Variants in CD300LG observed in about 807,000 individuals in gnomAD.
CD300LG encodes the protein CMRF35-like molecule 9.
CD300LG carries 29 observed loss-of-function variants against 31.5 expected under a neutral mutation model. That is an observed-to-expected ratio of 0.92 (90% CI 0.68 to 1.25). The LOEUF (loss-of-function observed/expected upper bound fraction) is 1.25. Ranked by LOEUF, CD300LG falls within the 50% of genes most tolerant of loss-of-function variation. CD300LG has a pLI of 0.00. For missense variants in CD300LG, 396 were observed against 417.6 expected (o/e 0.95, Z 0.45); for synonymous variants, 175 against 177.2 (o/e 0.99, Z 0.10).
At chr17:43,853,657 C>G in intron 3 of CD300LG, 150 bp from the exon 4 acceptor site, 2 of 637,088 alleles carry the variant, frequency 3.1e-6, no homozygotes, top group South Asian at 1.9e-5. Flanking sequence ...TCATCTAGAT[C>G]TGTTTGCTTA....
intron 2 of CD300LG, 42 bp downstream of exon 2, chr17:43,848,935 G>A: frequency 6.4e-7 from 1 of 1,555,250 alleles, no homozygotes; most frequent in Non-Finnish European, 8.8e-7. Context: ...GACAGGAGCT[G>A]CAGAGGGAAG....
At position 43,855,320 on chromosome 17, in the gene CD300LG, G is replaced by T. The variant is rs1303974241; in HGVS notation, c.832+1G>T. On this transcript the variant is annotated splice_donor_variant, in intron 5 of 6. Transcript: ENST00000317310. LOFTEE classifies it high-confidence loss of function. ...CACCTGCTCCTGTGGAGAAAGGAAG[G>T]TGAGCAAAGGTGGGCGGCAGGAAGG... 1.9e-6 allele frequency: 3 copies of T among 1,546,896 alleles called. No individual in the cohort carries two copies. Among genetic ancestry groups the T allele is most frequent in the African/African-American group, 1.4e-5 (1 of 73,378 alleles).
chr17:43,849,365 T>G, intron 2 of CD300LG: 1 of 186,444 alleles, frequency 5.4e-6, no homozygotes. Context: ...CCCTCAACTC[T>G]CCCCTCCTGG....
At position 43,852,976 on chromosome 17, in the gene CD300LG, C is replaced by T; in HGVS notation, c.444C>T (p.Pro148=). The T allele has an allele frequency of 6.2e-7, 1 of 1,612,390 alleles. No individual in the cohort carries two copies. Among genetic ancestry groups the T allele is most frequent in the Non-Finnish European group, 8.5e-7 (1 of 1,179,254 alleles). ...FQPLATTRLQ[P]KAKAQQTQPP... is the part of the protein sequence containing the mutation. ...CTCTGGCTACAACACGCCTGCAGCCCAAGGCAAAAGCTCAGCAAACCCAGC... is the reference window on the plus strand; with the variant it reads ...CTCTGGCTACAACACGCCTGCAGCCTAAGGCAAAAGCTCAGCAAACCCAGC... The change falls in exon 3 of 7, where the codon CCC becomes CCT. Residue 148 remains proline (P), a synonymous_variant. Transcript: ENST00000317310.
Position 43,861,835 on chromosome 17 carries a change from A to AG in CD300LG, c.928dup (p.Asp310GlyfsTer12). 6.2e-7 allele frequency: 1 copy of AG among 1,612,212 alleles called. No homozygotes were observed. The highest frequency in any genetic ancestry group is 8.5e-7 in the Non-Finnish European group (1 of 1,179,236). On this transcript the variant is annotated frameshift_variant, in exon 7 of 7. Transcript: ENST00000317310. LOFTEE classifies it low-confidence loss of function (END_TRUNC). ...AAGGAAGCCCCTTCCCAGGCCCCTG[A>AG]GGGGGACGTGATCTCGATGCCTCCC...
At chr17:43,854,485 C>T (rs1598396879) in intron 4 of CD300LG, among the ~76,000 whole-genome samples, 1 of 152,228 alleles carries the variant, frequency 6.6e-6, no homozygotes, top group Non-Finnish European at 1.5e-5. Flanking sequence ...CAGGCAGCTG[C>T]TGGCAGGTTC....
chr17:43,855,310 A>T lies in CD300LG; in HGVS notation c.823A>T (p.Arg275Ter). Residue 275 changes from arginine (R) to a stop codon, truncating the protein, a stop_gained, in exon 5 of 7, where the codon AGA (arginine) becomes TGA (stop). Transcript: ENST00000317310. LOFTEE classifies it high-confidence loss of function. ...IAFCSHLLLW[R>*]KEAQQATETQ... Reference sequence around the variant, plus strand: ...CTTCTGCAGCCACCTGCTCCTGTGGAGAAAGGAAGGTGAGCAAAGGTGGGC... The same window carrying T: ...CTTCTGCAGCCACCTGCTCCTGTGGTGAAAGGAAGGTGAGCAAAGGTGGGC... 4.4e-6 allele frequency: 7 copies of T among 1,581,760 alleles called. No homozygotes were observed. The highest frequency in any genetic ancestry group is 6.0e-6 in the Non-Finnish European group (7 of 1,166,870).
intron 6 of CD300LG, chr17:43,858,090 C>A: frequency 7.2e-7 from 1 of 1,395,250 alleles, no homozygotes; most frequent in Non-Finnish European, 9.3e-7. Flanking sequence ...TTCCTTTAAA[C>A]ACAAGGGCAG....
chr17:43,858,751 T>G, intron 6 of CD300LG: 3 of 974,966 alleles, frequency 3.1e-6, no homozygotes, highest in Non-Finnish European at 3.7e-6. Flanking sequence ...GGGGCTTTCT[T>G]TGTCCACATT....
At chr17:43,858,559 G>A (rs1288803478) in intron 6 of CD300LG, 2 of 985,338 alleles carry the variant, frequency 2.0e-6, no homozygotes, top group Non-Finnish European at 2.4e-6. Flanking sequence ...GGGCCAGCAG[G>A]CAGAGGGGCT....
intron 2 of CD300LG, among the ~76,000 whole-genome samples, chr17:43,850,327 T>C (rs2046311617): frequency 6.6e-6 from 1 of 152,232 alleles, no homozygotes; most frequent in African/African-American, 2.4e-5. Context: ...TGAGCTCTTG[T>C]GAGTCAGTGC....
intron 3 of CD300LG, among the ~76,000 whole-genome samples, chr17:43,853,582 G>A (rs1363232598): frequency 6.6e-6 from 1 of 152,188 alleles, no homozygotes; most frequent in Non-Finnish European, 1.5e-5. Context: ...GGCACAGAAA[G>A]AGACTGAACA....
At chr17:43,860,452 T>G (rs1012243483) in intron 6 of CD300LG, among the ~76,000 whole-genome samples, 1 of 152,264 alleles carries the variant, frequency 6.6e-6, no homozygotes, top group African/African-American at 2.4e-5. Flanking sequence ...GCCTGTGGCC[T>G]TGGGAGTCTT....
chr17:43,857,515 C>T lies in CD300LG; in HGVS notation c.885+359C>T, dbSNP rs770258727. ...AGATGAAGCCTTTGAGATCTCTAGC[C>T]TGACTTTTCTCTCAGTTTGAAGCAA... On this transcript the variant is annotated intron_variant, in intron 6 of 6. Transcript: ENST00000317310. 8 of 1,500,532 alleles carry T rather than the reference C, an allele frequency of 5.3e-6. No homozygotes were observed. In the African/African-American group the frequency reaches 5.5e-5, roughly 10 times the overall value. The allele number at this position is 1,500,532 out of a possible 1,614,324, so 93.0% of individuals were successfully genotyped here.
intron 2 of CD300LG, among the ~76,000 whole-genome samples, chr17:43,852,179 A>G (rs201955995): frequency 1.6e-3 from 239 of 151,218 alleles, no homozygotes; most frequent in African/African-American, 5.6e-3. Context: ...GGTGGTTCAA[A>G]GCCTCAAAGC....
rs1290258297 is a variant in CD300LG, at chr17:43,861,921, C to T, written c.*10C>T. 5 of 1,581,578 alleles carry T rather than the reference C, an allele frequency of 3.2e-6. No individual in the cohort carries two copies. In the African/African-American group the frequency reaches 6.7e-5, roughly 21 times the overall value. On this transcript the variant is annotated 3_prime_UTR_variant, in exon 7 of 7. Transcript: ENST00000317310. The stretch of plus-strand genomic sequence containing the variant: ...GTTTGTCTCAGCGTAGGGCAGGAGG[C>T]CCTCCTGGCCAGGCCAGCAGTGAAG...
rs1383683988 is a variant in CD300LG, at chr17:43,862,662, T to A, written c.*751T>A. ...ATCTGCTCTGTCTGCGACACCAAGATCCAGCTGGGGACTCCCCTGAGGCCT... is the reference window on the plus strand; with the variant it reads ...ATCTGCTCTGTCTGCGACACCAAGAACCAGCTGGGGACTCCCCTGAGGCCT... On this transcript the variant is annotated 3_prime_UTR_variant, in exon 7 of 7. Transcript: ENST00000317310. 6.6e-6 allele frequency: 1 copy of A among 152,260 alleles called. No homozygotes were observed. Among genetic ancestry groups the A allele is most frequent in the African/African-American group, 2.4e-5 (1 of 41,446 alleles). 9.4% of individuals were successfully genotyped at this position (152,260 alleles called of 1,614,324 possible). A position where few individuals can be genotyped will look rare whatever the true frequency, so the allele number is the denominator to read the frequency against.
At chr17:43,852,488 A>C (rs2046388396) in intron 2 of CD300LG, among the ~76,000 whole-genome samples, 1 of 152,216 alleles carries the variant, frequency 6.6e-6, no homozygotes, top group Non-Finnish European at 1.5e-5. Context: ...TGCTGAGATT[A>C]CAAGTGTGAG....
At chr17:43,848,965 T>A in intron 2 of CD300LG, 72 bp downstream of exon 2, 1 of 1,321,466 alleles carries the variant, frequency 7.6e-7, no homozygotes, top group Non-Finnish European at 1.1e-6. Flanking sequence ...TGGTGGGGCA[T>A]AATCCTGGTA....
Sources: gnomAD v4.1 joint callset for allele counts (sites outside exome capture counted in the v4.1 genomes callset) on GRCh38, gnomAD v4.1.1 for gene constraint, MANE v1.5 for transcripts, NCBI Gene and HGNC (gene_info 2026-07-23, HGNC 2026-07-21) for gene names.